SDK1: variants seen among roughly 807,000 people sequenced by gnomAD.
SDK1 encodes the protein sidekick cell adhesion molecule 1, also known as protein sidekick-1.
In SDK1, 157 loss-of-function variants were observed where a neutral mutation model predicts 245.5. The ratio of observed to expected loss-of-function variants is 0.64; its 90% CI spans 0.56 to 0.73. SDK1 has a LOEUF of 0.73. SDK1 is among the 30% of genes least tolerant of loss of function. The pLI is 0.00. For missense variants in SDK1, 3,583 were observed against 3,002.3 expected (o/e 1.19, Z -4.52); for synonymous variants, 1,647 against 1,278.5 (o/e 1.29, Z -6.15).
chr7:3,765,723 A>G (rs1192700766), intron 4 of SDK1, among the ~76,000 whole-genome samples: 2 of 152,166 alleles, frequency 1.3e-5, no homozygotes, highest in Non-Finnish European at 2.9e-5. Flanking sequence ...GTCATTATGA[A>G]TTGCCTTCTT....
chr7:3,370,862 G>T (rs1781209981), intron 1 of SDK1, among the ~76,000 whole-genome samples: 1 of 152,162 alleles, frequency 6.6e-6, no homozygotes, highest in African/African-American at 2.4e-5. Flanking sequence ...TGTGGAGCCA[G>T]TCATACCTGG....
chr7:3,714,755 G>C (rs1785152447), intron 4 of SDK1, among the ~76,000 whole-genome samples: 1 of 152,210 alleles, frequency 6.6e-6, no homozygotes, highest in Non-Finnish European at 1.5e-5. Context: ...TGAGTGTCAA[G>C]TATCTGGGAG....
At position 3,956,744 on chromosome 7, in the gene SDK1, C is replaced by A. The variant is rs542214357; in HGVS notation, c.1151-2187C>A. Among the ~76,000 whole-genome samples the A allele has an allele frequency of 2.2e-4, 34 of 152,316 alleles. 1 individual carries two copies. Among genetic ancestry groups the A allele is most frequent in the African/African-American group, 8.2e-4 (34 of 41,574 alleles). On this transcript the variant is annotated intron_variant, in intron 7 of 44. Transcript: ENST00000404826. The stretch of plus-strand genomic sequence containing the variant: ...CAGGTGGCATGCTGTGTGCCAAACA[C>A]AGATGGTCCCTGGCTAGGGTGGAGA...
At chr7:4,010,024 G>A (rs1316722053) in intron 14 of SDK1, among the ~76,000 whole-genome samples, 1 of 152,200 alleles carries the variant, frequency 6.6e-6, no homozygotes, top group African/African-American at 2.4e-5. Context: ...GAAAGCATGT[G>A]CCACCTCTTT....
chr7:3,832,524 C>T (rs1459145472), intron 5 of SDK1, among the ~76,000 whole-genome samples: 4 of 152,076 alleles, frequency 2.6e-5, no homozygotes, highest in African/African-American at 9.7e-5. Flanking sequence ...TAAATCAAGC[C>T]CACAGAAAAT....
intron 9 of SDK1, among the ~76,000 whole-genome samples, chr7:3,964,741 G>T (rs1781967998): frequency 6.6e-6 from 1 of 152,138 alleles, no homozygotes; most frequent in Non-Finnish European, 1.5e-5. Context: ...TCAGGGGTGA[G>T]AGCTGTTGGA....
intron 17 of SDK1, among the ~76,000 whole-genome samples, chr7:4,031,405 T>C (rs1409185148): frequency 1.3e-5 from 2 of 152,202 alleles, no homozygotes; most frequent in African/African-American, 2.4e-5. Context: ...CCAATGGTAA[T>C]GTTACTCATA....
chr7:4,169,872 C>T (rs755818956), intron 32 of SDK1, among the ~76,000 whole-genome samples: 1 of 152,040 alleles, frequency 6.6e-6, no homozygotes, highest in Non-Finnish European at 1.5e-5. Flanking sequence ...TGCAGTGGCC[C>T]GAGTCACACA....
intron 5 of SDK1, among the ~76,000 whole-genome samples, chr7:3,868,011 T>G (rs1484830034): frequency 2.6e-5 from 4 of 152,278 alleles, no homozygotes; most frequent in African/African-American, 9.6e-5. Context: ...AAACCCTATT[T>G]CATAACTCGA....
At chr7:3,760,755 T>C (rs1253497103) in intron 4 of SDK1, among the ~76,000 whole-genome samples, 1 of 152,244 alleles carries the variant, frequency 6.6e-6, no homozygotes, top group Non-Finnish European at 1.5e-5. Flanking sequence ...TTTCTGACTT[T>C]TCCGTTTTTG....
At chr7:3,348,418 T>C (rs1780564745) in intron 1 of SDK1, among the ~76,000 whole-genome samples, 1 of 152,130 alleles carries the variant, frequency 6.6e-6, no homozygotes, top group South Asian at 2.1e-4. Flanking sequence ...GCAAGGTGGG[T>C]GCAGCTGGAG....
chr7:3,719,302 G>A (rs1785295085), intron 4 of SDK1, among the ~76,000 whole-genome samples: 1 of 145,338 alleles, frequency 6.9e-6, no homozygotes, highest in African/African-American at 2.6e-5. Context: ...ATTCTGAAAT[G>A]TAGATGGCAT....
chr7:3,790,606 G>A (rs1159840874), intron 4 of SDK1, among the ~76,000 whole-genome samples: 3 of 152,166 alleles, frequency 2.0e-5, no homozygotes, highest in Non-Finnish European at 4.4e-5. Context: ...TCGGGAGTTC[G>A]AGATAACCCT....
intron 4 of SDK1, among the ~76,000 whole-genome samples, chr7:3,644,895 A>C (rs547304620): frequency 2.5e-3 from 383 of 151,946 alleles, no homozygotes; most frequent in Non-Finnish European, 4.6e-3. Context: ...GACCAGGCAA[A>C]CTTAGGATAA....
At chr7:3,418,770 C>G (rs923622464) in intron 1 of SDK1, among the ~76,000 whole-genome samples, 1 of 152,172 alleles carries the variant, frequency 6.6e-6, no homozygotes, top group Non-Finnish European at 1.5e-5. Context: ...TAATTACACT[C>G]AAGACCTTAG....
intron 44 of SDK1, among the ~76,000 whole-genome samples, chr7:4,262,573 CAT>C (rs1372589957): frequency 4.0e-5 from 6 of 151,784 alleles, no homozygotes; most frequent in East Asian, 2.0e-4. Context: ...GCCGGGGAGA[CAT>C]ATTAGACACC....
chr7:3,575,922 C>T (rs1051532300), intron 1 of SDK1, among the ~76,000 whole-genome samples: 4 of 151,948 alleles, frequency 2.6e-5, no homozygotes, highest in Admixed American at 2.6e-4. Context: ...GAGATGAAGC[C>T]TTTCATCTCT....
At chr7:3,444,212 C>G (rs1780279589) in intron 1 of SDK1, among the ~76,000 whole-genome samples, 1 of 152,118 alleles carries the variant, frequency 6.6e-6, no homozygotes, top group Non-Finnish European at 1.5e-5. Context: ...AGCTGTTGGC[C>G]TTCTTCTTTG....
chr7:3,652,830 G>T (rs115109987), intron 4 of SDK1, among the ~76,000 whole-genome samples: 2 of 152,182 alleles, frequency 1.3e-5, no homozygotes, highest in Admixed American at 6.5e-5. Context: ...AGAAGCGAGG[G>T]TCATGTTGAG....
Sources: gnomAD v4.1 joint callset for allele counts (sites outside exome capture counted in the v4.1 genomes callset) on GRCh38, gnomAD v4.1.1 for gene constraint, MANE v1.5 for transcripts, NCBI Gene and HGNC (gene_info 2026-07-23, HGNC 2026-07-21) for gene names.